The following MYRIP variants were observed in gnomAD, a reference collection of about 807,000 sequenced individuals.
The protein encoded by MYRIP is rab effector MyRIP.
A neutral mutation model predicts 98.0 loss-of-function variants in MYRIP; 49 were observed. The observed-to-expected ratio is 0.50, with a 90% confidence interval of 0.40 to 0.63. MYRIP has a LOEUF of 0.63. MYRIP is among the 30% of genes least tolerant of loss of function. MYRIP has a pLI of 0.00. For synonymous variants in MYRIP, 404 were observed against 409.5 expected (o/e 0.99, Z 0.16); for missense variants, 1,004 against 1,058.2 (o/e 0.95, Z 0.71).
chr3:40,221,238 G>A lies in MYRIP; in HGVS notation c.1905+11145G>A, dbSNP rs1952329009. On this transcript the variant is annotated intron_variant, in intron 11 of 16. Coordinates refer to ENST00000302541, the MANE Select transcript of MYRIP (RefSeq NM_015460.4). The stretch of plus-strand genomic sequence containing the variant: ...TGTCAGTGTGCCTGGCACTATTGAA[G>A]CACAGAGAAAATGGCCATGAACAAG... 2.0e-5 allele frequency among the ~76,000 whole-genome samples: 3 copies of A among 151,798 alleles called. No homozygotes were observed. In the South Asian group the frequency reaches 6.2e-4, roughly 32 times the overall value.
chr3:40,182,894 TA>T (rs1208521436), intron 9 of MYRIP, among the ~76,000 whole-genome samples: 1 of 152,230 alleles, frequency 6.6e-6, no homozygotes, highest in Admixed American at 6.5e-5. Flanking sequence ...CTATAACAAG[TA>T]AACTGAATAT....
At chr3:40,193,119 C>A (rs1268318634) in intron 10 of MYRIP, among the ~76,000 whole-genome samples, 1 of 151,876 alleles carries the variant, frequency 6.6e-6, no homozygotes, top group Non-Finnish European at 1.5e-5. Context: ...CAGTGCACAC[C>A]CAAAAACCGG....
chr3:39,990,738 T>C (rs1946153146), intron 2 of MYRIP, among the ~76,000 whole-genome samples: 1 of 152,232 alleles, frequency 6.6e-6, no homozygotes, highest in Non-Finnish European at 1.5e-5. Flanking sequence ...TAAACATTTT[T>C]CAGTTTCTAA....
At chr3:40,035,400 A>G (rs142756444) in intron 2 of MYRIP, among the ~76,000 whole-genome samples, 26 of 152,192 alleles carry the variant, frequency 1.7e-4, no homozygotes, top group African/African-American at 6.3e-4. Context: ...GTGATGACTC[A>G]TGAATGATTT....
intron 2 of MYRIP, among the ~76,000 whole-genome samples, chr3:39,925,387 G>T (rs910657818): frequency 6.6e-6 from 1 of 151,902 alleles, no homozygotes; most frequent in Non-Finnish European, 1.5e-5. Flanking sequence ...TGTTATGGGG[G>T]TATATTGTGT....
chr3:40,244,103 CTCTT>C (rs1953110008), intron 12 of MYRIP, among the ~76,000 whole-genome samples: 2 of 152,142 alleles, frequency 1.3e-5, no homozygotes, highest in Admixed American at 1.3e-4. Flanking sequence ...CATCATGAGT[CTCTT>C]TGTTTCTTCT....
chr3:40,179,374 T>A (rs1482318434), intron 8 of MYRIP, among the ~76,000 whole-genome samples: 1 of 152,168 alleles, frequency 6.6e-6, no homozygotes, highest in African/African-American at 2.4e-5. Flanking sequence ...TTCCCTACTC[T>A]CTGCTGTTGG....
At chr3:40,154,550 ATTTAAT>A (rs1950181250) in intron 4 of MYRIP, among the ~76,000 whole-genome samples, 1 of 152,114 alleles carries the variant, frequency 6.6e-6, no homozygotes, top group Non-Finnish European at 1.5e-5. Context: ...TTTTTTTTAA[ATTTAAT>A]TTTATTTTAA....
chr3:40,254,132 C>T (rs751828320), intron 16 of MYRIP, among the ~76,000 whole-genome samples: 7 of 152,058 alleles, frequency 4.6e-5, no homozygotes, highest in Middle Eastern at 3.2e-3. Flanking sequence ...AACTGTCAAT[C>T]GAGAAAAATA....
At chr3:40,031,065 A>G (rs1010457604) in intron 2 of MYRIP, among the ~76,000 whole-genome samples, 1 of 152,156 alleles carries the variant, frequency 6.6e-6, no homozygotes, top group Non-Finnish European at 1.5e-5. Context: ...ATAACAAAAT[A>G]TCATAGACTG....
chr3:40,126,221 C>T (rs976569622), intron 3 of MYRIP, among the ~76,000 whole-genome samples: 1 of 152,200 alleles, frequency 6.6e-6, no homozygotes, highest in Non-Finnish European at 1.5e-5. Context: ...TGCCCATTCC[C>T]AGACCCCATC....
At chr3:40,017,171 A>G (rs141549498) in intron 2 of MYRIP, among the ~76,000 whole-genome samples, 155 of 152,342 alleles carry the variant, frequency 1.0e-3, no homozygotes, top group African/African-American at 3.4e-3. Context: ...GCCAAATGCA[A>G]GTCTCCTGCA....
At chr3:39,891,037 GTC>G (rs901307816) in intron 1 of MYRIP, among the ~76,000 whole-genome samples, 4 of 151,932 alleles carry the variant, frequency 2.6e-5, no homozygotes, top group Non-Finnish European at 5.9e-5. Context: ...CGTATATTTG[GTC>G]TCTGTCATTT....
chr3:40,072,031 T>C (rs1948242623), intron 3 of MYRIP, among the ~76,000 whole-genome samples: 1 of 152,108 alleles, frequency 6.6e-6, no homozygotes, highest in African/African-American at 2.4e-5. Flanking sequence ...TCTGTGGTGC[T>C]TGTTTAATGG....
chr3:40,010,974 TAAA>T (rs908907861), intron 2 of MYRIP, among the ~76,000 whole-genome samples: 1 of 151,870 alleles, frequency 6.6e-6, no homozygotes, highest in Non-Finnish European at 1.5e-5. Flanking sequence ...CTCTTTTACA[TAAA>T]AAAAATCAGC....
intron 1 of MYRIP, among the ~76,000 whole-genome samples, chr3:39,822,061 T>C (rs560419992): frequency 6.6e-6 from 1 of 152,332 alleles, no homozygotes; most frequent in African/African-American, 2.4e-5. Flanking sequence ...TTTTGTTTTG[T>C]ATATTTTGAA....
At chr3:40,090,403 C>A (rs554897716) in intron 3 of MYRIP, among the ~76,000 whole-genome samples, 5 of 152,038 alleles carry the variant, frequency 3.3e-5, no homozygotes, top group African/African-American at 1.2e-4. Context: ...AAGGAAGGGG[C>A]AGTGGGGGAG....
Position 40,162,800 on chromosome 3 carries a change from G to C in MYRIP, c.540G>C (p.Arg180Ser). The C allele has an allele frequency of 6.2e-7, 1 of 1,613,928 alleles. No individual in the cohort carries two copies. Among genetic ancestry groups the C allele is most frequent in the Non-Finnish European group, 8.5e-7 (1 of 1,179,884 alleles). Residue 180 changes from arginine (R) to serine (S), a missense_variant, in exon 5 of 17, where the codon AGG (arginine) becomes AGC (serine). Transcript: ENST00000302541. ...SISGSDSTFY[R>S]QSEGHSVMDT... ...CTGGCAGTGATTCAACATTTTATAG[G>C]CAGTCAGAAGGTAAAGTTGCTTAAG...
intron 10 of MYRIP, among the ~76,000 whole-genome samples, chr3:40,204,207 T>TAAATA (rs1951728915): frequency 2.2e-5 from 1 of 44,536 alleles, no homozygotes. Flanking sequence ...ATATTATATA[T>TAAATA]TTATATATTA....
Sources: gnomAD v4.1 joint callset for allele counts (sites outside exome capture counted in the v4.1 genomes callset) on GRCh38, gnomAD v4.1.1 for gene constraint, MANE v1.5 for transcripts, NCBI Gene and HGNC (gene_info 2026-07-23, HGNC 2026-07-21) for gene names.